Variants in RAP1GAP2 observed in about 807,000 individuals in gnomAD.
RAP1GAP2 encodes the protein RAP1 GTPase activating protein 2.
In RAP1GAP2, 27 loss-of-function variants were observed where a neutral mutation model predicts 95.0. That is an observed-to-expected ratio of 0.28 (90% CI 0.21 to 0.39). The LOEUF (loss-of-function observed/expected upper bound fraction) is 0.39. Among genes scored for constraint, RAP1GAP2 ranks in the 10% least tolerant of loss-of-function variants. The pLI is 1.00. For synonymous variants in RAP1GAP2, 373 were observed against 380.9 expected (o/e 0.98, Z 0.24); for missense variants, 771 against 970.0 (o/e 0.79, Z 2.72).
At chr17:2,808,917 G>A (rs1038845360) in intron 2 of RAP1GAP2, among the ~76,000 whole-genome samples, 3 of 152,174 alleles carry the variant, frequency 2.0e-5, no homozygotes, top group Admixed American at 2.0e-4. Context: ...TGGCTTTAGC[G>A]AGTTCCTATG....
intron 2 of RAP1GAP2, chr17:2,853,819 G>A (rs928304555): frequency 3.2e-6 from 2 of 618,148 alleles, no homozygotes; most frequent in African/African-American, 4.0e-5. Context: ...AGGTCGCCGG[G>A]AGGGAGGGGA....
chr17:2,896,840 G>A (rs897671942), intron 2 of RAP1GAP2, among the ~76,000 whole-genome samples: 4 of 152,210 alleles, frequency 2.6e-5, no homozygotes, highest in Admixed American at 6.5e-5. Context: ...GCTGCAGCCC[G>A]AGTCTGGCCC....
rs1261373702 is a variant in RAP1GAP2, at chr17:2,974,104, G to A, written c.597-6183G>A. Among the ~76,000 whole-genome samples the A allele has an allele frequency of 2.0e-5, 3 of 151,916 alleles. No individual in the cohort carries two copies. The South Asian group carries it at 6.2e-4, about 32-fold the overall frequency. ...TGCCTGTAATCCCAGCACCTTGGGA[G>A]GCCAAGGCGGGCGGATCACGAGGTC... On this transcript the variant is annotated intron_variant, in intron 8 of 24. Coordinates refer to ENST00000254695, the MANE Select transcript of RAP1GAP2 (RefSeq NM_015085.5).
rs2072101911 is a variant in RAP1GAP2, at chr17:2,855,639, TCTCA to T, written c.81-49641_81-49638del. ...TTATTTATTTATTTTTGAGGAGGAG[TCTCA>T]CTCTGTTAGCCCAAGCTGGAGTACA... On this transcript the variant is annotated intron_variant, in intron 2 of 24. Transcript: ENST00000254695. The surrounding 1 kb of genome is among the most constrained non-coding windows in gnomAD (Gnocchi z 4.3). Among the ~76,000 whole-genome samples the T allele has an allele frequency of 6.6e-6, 1 of 152,050 alleles. No homozygotes were observed. Among genetic ancestry groups the T allele is most frequent in the Non-Finnish European group, 1.5e-5 (1 of 68,010 alleles).
intron 2 of RAP1GAP2, among the ~76,000 whole-genome samples, chr17:2,837,076 C>T (rs951339205): frequency 3.9e-5 from 6 of 151,982 alleles, no homozygotes; most frequent in African/African-American, 1.5e-4. Context: ...CAAGGTGAGA[C>T]CCTGTCACTA....
intron 2 of RAP1GAP2, among the ~76,000 whole-genome samples, chr17:2,821,373 C>CTTTTT (rs10566772): frequency 1.7e-5 from 2 of 118,544 alleles, no homozygotes; most frequent in South Asian, 2.8e-4. Flanking sequence ...TTCTTTACAC[C>CTTTTT]TTTTTTTTTT....
upstream of RAP1GAP2, among the ~76,000 whole-genome samples, chr17:2,791,520 C>T (rs529210930): frequency 4.2e-4 from 64 of 152,338 alleles, no homozygotes; most frequent in Non-Finnish European, 4.3e-4. Flanking sequence ...CTGTGCATTT[C>T]TGTGGATCCA....
intron 10 of RAP1GAP2, among the ~76,000 whole-genome samples, chr17:2,983,402 G>T (rs2045444175): frequency 6.6e-6 from 1 of 152,118 alleles, no homozygotes; most frequent in Admixed American, 6.6e-5. Context: ...CAAGTGCGTT[G>T]ACATGCTTCA....
chr17:2,856,327 T>G (rs753194746), intron 2 of RAP1GAP2, among the ~76,000 whole-genome samples: 11 of 152,202 alleles, frequency 7.2e-5, no homozygotes, highest in Non-Finnish European at 1.3e-4. Context: ...TCCTGGCTCA[T>G]CTGTTGACTG....
chr17:3,019,808 G>A (rs4239033), intron 18 of RAP1GAP2, among the ~76,000 whole-genome samples: 138,735 of 152,212 alleles, frequency 0.91, 63,474 homozygotes, highest in Non-Finnish European at 0.95. Context: ...CAGGAGCTGG[G>A]GCCTGAGTTG....
At chr17:2,874,708 C>T (rs572045111) in intron 2 of RAP1GAP2, among the ~76,000 whole-genome samples, 2 of 152,122 alleles carry the variant, frequency 1.3e-5, no homozygotes, top group Non-Finnish European at 2.9e-5. Flanking sequence ...GAGCAGCCAC[C>T]CAGCCAGGAA....
chr17:2,797,869 A>G lies in RAP1GAP2; in HGVS notation c.44+1298A>G. 4 of 822,982 alleles carry G rather than the reference A, an allele frequency of 4.9e-6. No homozygotes were observed. The South Asian group carries it at 2.2e-4, about 46-fold the overall frequency. 51.0% of individuals were successfully genotyped at this position (822,982 alleles called of 1,614,324 possible). A position where few individuals can be genotyped will look rare whatever the true frequency, so the allele number is the denominator to read the frequency against. On this transcript the variant is annotated intron_variant, in intron 1 of 24. Coordinates refer to ENST00000254695, the MANE Select transcript of RAP1GAP2 (RefSeq NM_015085.5). This position sits in a 1 kb window ranked among gnomAD's most constrained non-coding sequence, Gnocchi z 5.6. ...GTCTTGGCTGTGGGCCTTGCAGGGC[A>G]GGGCCCAGCAATTAGATTGTGCCCT... is the stretch of plus-strand genomic sequence containing the variant.
At chr17:2,772,611 G>T (rs1246372194), upstream of RAP1GAP2, among the ~76,000 whole-genome samples, 1 of 151,848 alleles carries the variant, frequency 6.6e-6, no homozygotes, top group Non-Finnish European at 1.5e-5. Flanking sequence ...TATTTTTTTA[G>T]TTCCCGTTAT....
intron 2 of RAP1GAP2, among the ~76,000 whole-genome samples, chr17:2,858,396 A>G (rs1234394416): frequency 5.3e-5 from 8 of 152,094 alleles, no homozygotes; most frequent in Admixed American, 2.6e-4. Flanking sequence ...GCCTATCGCA[A>G]TTCTTGTTTA....
At chr17:2,789,325 GGT>G (rs2068864938) in intron 1 of RAP1GAP2, among the ~76,000 whole-genome samples, 1 of 152,158 alleles carries the variant, frequency 6.6e-6, no homozygotes. Context: ...TGGGATTACA[GGT>G]GTGAGCCACC....
intron 2 of RAP1GAP2, among the ~76,000 whole-genome samples, chr17:2,898,798 G>C (rs561483177): frequency 6.6e-5 from 10 of 152,304 alleles, no homozygotes; most frequent in South Asian, 2.1e-4. Flanking sequence ...GCACTGTGCT[G>C]AGTGCTTTCT....
rs528260262 is a variant in RAP1GAP2 at position 2,858,806 on chromosome 17, G to A, written c.81-46478G>A. ...CATGTGCCTTTGGTCCCAGCTACTC[G>A]GGAGGCTGAGGCATGAGAGTTGCTT... On this transcript the variant is annotated intron_variant, in intron 2 of 24. Transcript: ENST00000254695. Among the ~76,000 whole-genome samples, 44 of 152,062 alleles carry A rather than the reference G, an allele frequency of 2.9e-4. 1 individual carries two copies. The Middle Eastern group carries it at 0.014, about 47-fold the overall frequency.
At chr17:2,759,028 T>C (rs2151753992) in intron 1 of RAP1GAP2, among the ~76,000 whole-genome samples, 1 of 151,714 alleles carries the variant, frequency 6.6e-6, no homozygotes, top group African/African-American at 2.4e-5. Context: ...TTTGCAGAGA[T>C]GGGGTCTTGC....
At position 2,817,525 on chromosome 17, in the gene RAP1GAP2, T is replaced by TA. The variant is rs1567675068; in HGVS notation, c.80+16975_80+16976insA. Among the ~76,000 whole-genome samples, 5 of 115,208 alleles carry TA rather than the reference T, an allele frequency of 4.3e-5. 1 individual carries two copies. Among genetic ancestry groups the TA allele is most frequent in the Non-Finnish European group, 1.0e-4 (5 of 48,102 alleles). The allele number at this position is 115,208 out of a possible 152,430, so 75.6% of individuals were successfully genotyped here. ...GATCGTATGGCAATTCTATGTATAGTTTTTTTTTTTTTTGAGGCAGGGTTT... is the reference window on the plus strand; with the variant it reads ...GATCGTATGGCAATTCTATGTATAGTATTTTTTTTTTTTTGAGGCAGGGTTT... On this transcript the variant is annotated intron_variant, in intron 2 of 24. Coordinates refer to ENST00000254695, the MANE Select transcript of RAP1GAP2 (RefSeq NM_015085.5).
Sources: gnomAD v4.1 joint callset for allele counts (sites outside exome capture counted in the v4.1 genomes callset) on GRCh38, gnomAD v4.1.1 for gene constraint, Gnocchi (gnomAD v3.1) non-coding constraint, MANE v1.5 for transcripts, NCBI Gene and HGNC (gene_info 2026-07-23, HGNC 2026-07-21) for gene names.